The following ASIC2 variants were observed in gnomAD, a reference collection of about 807,000 sequenced individuals.
ASIC2 encodes the protein acid-sensing ion channel 2.
A neutral mutation model predicts 57.3 loss-of-function variants in ASIC2; 25 were observed. The ratio of observed to expected loss-of-function variants is 0.44; its 90% CI spans 0.32 to 0.61. The LOEUF (loss-of-function observed/expected upper bound fraction) is 0.61. Among genes scored for constraint, ASIC2 ranks in the 20% least tolerant of loss-of-function variants. ASIC2 has a pLI of 0.06. For missense variants in ASIC2, 641 were observed against 738.1 expected, an observed-to-expected ratio of 0.87 and a Z score of 1.52; for synonymous variants, 319 against 307.5, an observed-to-expected ratio of 1.04 and a Z score of -0.39.
intron 1 of ASIC2, among the ~76,000 whole-genome samples, chr17:33,958,161 A>T (rs1344033814): frequency 6.6e-6 from 1 of 152,234 alleles, no homozygotes; most frequent in Non-Finnish European, 1.5e-5. Context: ...TTGCAGGTAC[A>T]GCTATCCTCC....
chr17:33,875,811 C>T (rs382170), intron 1 of ASIC2, among the ~76,000 whole-genome samples: 41,334 of 151,392 alleles, frequency 0.27, 5,858 homozygotes, highest in Middle Eastern at 0.36. Flanking sequence ...TTTTAAAGAA[C>T]AATCTCCTTG....
Position 34,036,781 on chromosome 17 carries a change from T to C in ASIC2, c.555+119197A>G, listed in dbSNP as rs377290684. ...AAGGGACAACCGTCAAGTGTTCAAA[T>C]TGTGAAGAAATAGTTGAAAACCTAG... On this transcript the variant is annotated intron_variant, in intron 1 of 9. Transcript: ENST00000359872. 3 of 147,790 alleles carry C rather than the reference T, an allele frequency of 2.0e-5. 1 individual carries two copies. 9.2% of individuals were successfully genotyped at this position (147,790 alleles called of 1,614,324 possible).
rs554740606 is a variant in ASIC2 at position 33,462,101 on chromosome 17, C to T, written c.556-350034G>A. Among the ~76,000 whole-genome samples the T allele has an allele frequency of 4.4e-4, 67 of 152,294 alleles. No individual in the cohort carries two copies. In the South Asian group the frequency reaches 6.6e-3, roughly 15 times the overall value. ...TGACAGAGTTAATCACAGGGTGTCACAGAAGCAGAGAAGAGGGGCCAGGCT... is the reference window on the plus strand; with the variant it reads ...TGACAGAGTTAATCACAGGGTGTCATAGAAGCAGAGAAGAGGGGCCAGGCT... On this transcript the variant is annotated intron_variant, in intron 1 of 9. Coordinates refer to the ASIC2 transcript ENST00000359872.
intron 1 of ASIC2, among the ~76,000 whole-genome samples, chr17:33,141,283 C>A (rs574973486): frequency 6.6e-6 from 1 of 152,346 alleles, no homozygotes; most frequent in Middle Eastern, 3.4e-3. Context: ...GCTCCTGCAG[C>A]CCTGAGGGCT....
intron 1 of ASIC2, among the ~76,000 whole-genome samples, chr17:33,579,174 T>C (rs1293704789): frequency 6.6e-6 from 1 of 151,184 alleles, no homozygotes; most frequent in East Asian, 1.9e-4. Flanking sequence ...TAATCCCAGC[T>C]ACTTGAGAGG....
At position 33,819,798 on chromosome 17, in the gene ASIC2, T is replaced by A. The variant is rs1358775655; in HGVS notation, c.555+336180A>T. Among the ~76,000 whole-genome samples the A allele has an allele frequency of 2.6e-5, 4 of 152,326 alleles. No homozygotes were observed. The East Asian group carries it at 5.8e-4, about 22-fold the overall frequency. On this transcript the variant is annotated intron_variant, in intron 1 of 9. Transcript: ENST00000359872. Reference sequence around the variant, plus strand: ...GGCTTCTCTGAGTCACAAAAAACATTAAACACAATGACACAGAACAGAAAC... The same window carrying A: ...GGCTTCTCTGAGTCACAAAAAACATAAAACACAATGACACAGAACAGAAAC...
At chr17:33,336,380 A>AT (rs11415074) in intron 1 of ASIC2, among the ~76,000 whole-genome samples, 52,495 of 151,252 alleles carry the variant, frequency 0.35, 9,195 homozygotes, top group East Asian at 0.55. Flanking sequence ...TTCTTAACAG[A>AT]TTTTTTTTTA....
At position 33,630,799 on chromosome 17, in the gene ASIC2, A is replaced by C. The variant is rs559069194; in HGVS notation, c.556-518732T>G. Among the ~76,000 whole-genome samples, 5 of 152,306 alleles carry C rather than the reference A, an allele frequency of 3.3e-5. No homozygotes were observed. In the South Asian group the frequency reaches 1.0e-3, roughly 32 times the overall value. The stretch of plus-strand genomic sequence containing the variant: ...CTATGGTGTATGCTCAGTAAGCATT[A>C]GTTATTATTGTTTGTATTCTTGTCA... On this transcript the variant is annotated intron_variant, in intron 1 of 9. Transcript: ENST00000359872.
At chr17:33,323,150 T>C (rs929849456) in intron 1 of ASIC2, among the ~76,000 whole-genome samples, 8 of 152,174 alleles carry the variant, frequency 5.3e-5, no homozygotes, top group Admixed American at 5.2e-4. Flanking sequence ...AACATATGGC[T>C]ACCCTATGAC....
chr17:33,366,100 G>T (rs1323834170), intron 1 of ASIC2, among the ~76,000 whole-genome samples: 2 of 152,228 alleles, frequency 1.3e-5, no homozygotes, highest in African/African-American at 4.8e-5. Context: ...TCTGGCTGAT[G>T]ACCCTCCCAT....
intron 1 of ASIC2, among the ~76,000 whole-genome samples, chr17:34,130,382 G>A (rs1462072925): frequency 6.6e-6 from 1 of 152,214 alleles, no homozygotes; most frequent in Non-Finnish European, 1.5e-5. Flanking sequence ...CAACAGTTAT[G>A]ATTTTGAATC....
chr17:34,104,570 T>C (rs991602977), intron 1 of ASIC2, among the ~76,000 whole-genome samples: 4 of 152,064 alleles, frequency 2.6e-5, no homozygotes, highest in African/African-American at 7.2e-5. Context: ...GGCTTCCCCA[T>C]CAAGAATTAA....
intron 1 of ASIC2, among the ~76,000 whole-genome samples, chr17:33,648,182 A>C (rs879691418): frequency 1.4e-4 from 22 of 152,208 alleles, no homozygotes; most frequent in Non-Finnish European, 2.8e-4. Context: ...ATCTGGTGGC[A>C]GCCACATGTA....
intron 1 of ASIC2, among the ~76,000 whole-genome samples, chr17:33,220,893 C>T (rs879466192): frequency 8.6e-5 from 13 of 152,006 alleles, no homozygotes; most frequent in Non-Finnish European, 1.8e-4. Flanking sequence ...TATGATGATA[C>T]CTTGTCTCTA....
intron 3 of ASIC2, among the ~76,000 whole-genome samples, chr17:33,029,464 C>G (rs2091872205): frequency 6.6e-6 from 1 of 152,184 alleles, no homozygotes; most frequent in South Asian, 2.1e-4. Context: ...GGAGTTCTTT[C>G]CTTTTAATTA....
rs1172689761 is a variant in ASIC2, at chr17:33,023,957, G to T, written c.1253C>A (p.Thr418Asn). 6.2e-7 allele frequency: 1 copy of T among 1,614,214 alleles called. No individual in the cohort carries two copies. Among genetic ancestry groups the T allele is most frequent in the Non-Finnish European group, 8.5e-7 (1 of 1,180,038 alleles). The change falls in exon 6 of 10, where the codon ACC (threonine) becomes AAC (asparagine). Residue 418 changes from threonine to asparagine, a missense_variant. Around this residue, in one of 3 missense-constraint regions of ASIC2, gnomAD observed 252 missense variants for 319.8 expected, o/e 0.79. Transcript: ENST00000225823. The part of the protein sequence containing the change: ...YCLCRTPCNL[T>N]RYNKELSMVK... ...CATGGAGAGCTCTTTGTTGTAGCGG[G>T]TTAGGTTGCAGGGTGTCCTGCAGAG...
intron 1 of ASIC2, among the ~76,000 whole-genome samples, chr17:33,340,184 AT>A (rs1907670403): frequency 6.6e-6 from 1 of 152,164 alleles, no homozygotes; most frequent in African/African-American, 2.4e-5. Context: ...CTCTTGGTAT[AT>A]TGTATTTTCA....
intron 1 of ASIC2, among the ~76,000 whole-genome samples, chr17:33,232,906 G>A (rs901300872): frequency 1.3e-4 from 20 of 152,270 alleles, no homozygotes; most frequent in Admixed American, 9.8e-4. Flanking sequence ...CCTCTGGAGC[G>A]ATGCATTCTT....
intron 1 of ASIC2, among the ~76,000 whole-genome samples, chr17:33,438,060 G>A (rs886823537): frequency 2.0e-5 from 3 of 152,128 alleles, no homozygotes; most frequent in Admixed American, 2.0e-4. Context: ...GAAGCCCTCT[G>A]GGGTCATACA....
Sources: gnomAD v4.1 joint callset for allele counts (sites outside exome capture counted in the v4.1 genomes callset) on GRCh38, gnomAD v4.1.1 for gene constraint, gnomAD v4.1.1 regional missense constraint, MANE v1.5 for transcripts, NCBI Gene and HGNC (gene_info 2026-07-23, HGNC 2026-07-21) for gene names.